MLNR: variants seen among roughly 807,000 people sequenced by gnomAD.
The protein encoded by MLNR is motilin receptor, also known as G protein-coupled receptor 38.
In MLNR, 16 loss-of-function variants were observed where a neutral mutation model predicts 20.0. That is an observed-to-expected ratio of 0.80 (90% CI 0.54 to 1.22). The LOEUF is 1.22. MLNR is among the 50% of genes most tolerant of loss of function. The pLI is 0.00. For synonymous variants in MLNR, 302 were observed against 287.2 expected, an observed-to-expected ratio of 1.05 and a Z score of -0.52; for missense variants, 630 against 592.3, an observed-to-expected ratio of 1.06 and a Z score of -0.66.
At position 49,220,976 on chromosome 13, in the gene MLNR, G is replaced by A; in HGVS notation, c.639G>A (p.Ala213=). 2.7e-6 allele frequency: 4 copies of A among 1,489,560 alleles called. No homozygotes were observed. Among genetic ancestry groups the A allele is most frequent in the South Asian group, 2.6e-5 (2 of 78,340 alleles). The allele number at this position is 1,489,560 out of a possible 1,614,324, so 92.3% of individuals were successfully genotyped here. The change falls in exon 1 of 2, where the codon GCG becomes GCA. Residue 213 remains alanine (A), a synonymous_variant. Transcript: ENST00000218721. This position sits in a 1 kb window ranked among gnomAD's most constrained non-coding sequence, Gnocchi z 4.4. The part of the protein sequence containing the change: ...ASSPPLWLSR[A]PPPSPPSGPE... The stretch of plus-strand genomic sequence containing the variant: ...CGCCGCCTCTCTGGCTCTCGCGGGC[G>A]CCACCGCCGTCCCCGCCGTCGGGGC...
Position 49,221,162 on chromosome 13 carries a change from G to T in MLNR, c.825G>T (p.Trp275Cys), listed in dbSNP as rs1490621389. The T allele has an allele frequency of 1.3e-6, 2 of 1,589,488 alleles. No homozygotes were observed. The highest frequency in any genetic ancestry group is 2.2e-5 in the South Asian group (2 of 89,988). ...ACGGGCTCATCGGGCGGGAGCTGTG[G>T]AGCAGCCGGCGGCCGCTGCGAGGCC... ...ILYGLIGREL[W>C]SSRRPLRGPA... Residue 275 changes from tryptophan to cysteine, a missense_variant, in exon 1 of 2, where the codon TGG becomes TGT. Physicochemically the swap from Trp to Cys is radical, Grantham distance 215 (BLOSUM62 -2). Transcript: ENST00000218721.
intron 1 of MLNR, 50 bp downstream of exon 1, chr13:49,221,288 G>T (rs535998029): frequency 6.6e-7 from 1 of 1,524,324 alleles, no homozygotes; most frequent in Non-Finnish European, 8.8e-7. Context: ...AGTCCGCCCC[G>T]CCGGGGACCG....
chr13:49,221,975 G>A (rs1887018169), intron 1 of MLNR, 65 bp from the exon 2 acceptor site: 5 of 1,397,360 alleles, frequency 3.6e-6, no homozygotes, highest in Non-Finnish European at 4.9e-6. Context: ...GTTCCTTGTC[G>A]GGGTGGGGGG....
rs752085177 is a variant in MLNR at position 49,220,680 on chromosome 13, C to G, written c.343C>G (p.Leu115Val). 4 of 1,604,282 alleles carry G rather than the reference C, an allele frequency of 2.5e-6. No individual in the cohort carries two copies. In the African/African-American group the frequency reaches 5.4e-5, roughly 22 times the overall value. The change falls in exon 1 of 2, where the codon CTC becomes GTC. Residue 115 changes from leucine to valine, a missense_variant. By Grantham distance (32) the Leu-to-Val change is conservative (BLOSUM62 1). Coordinates refer to ENST00000218721, the MANE Select transcript of MLNR (RefSeq NM_001507.1). This position sits in a 1 kb window ranked among gnomAD's most constrained non-coding sequence, Gnocchi z 4.4. ...VFGPLLCRLS[L>V]YVGEGCTYAT... The stretch of plus-strand genomic sequence containing the variant: ...CGGGCCGCTGCTCTGCCGCCTGTCC[C>G]TCTACGTGGGCGAGGGCTGCACCTA...
Position 49,220,705 on chromosome 13 carries a change from A to G in MLNR, c.368A>G (p.Tyr123Cys). 6.3e-7 allele frequency: 1 copy of G among 1,595,492 alleles called. No homozygotes were observed. The highest frequency in any genetic ancestry group is 8.5e-7 in the Non-Finnish European group (1 of 1,172,610). Reference protein sequence around the residue: ...LSLYVGEGCTYATLLHMTALS... With the variant: ...LSLYVGEGCTCATLLHMTALS... ...CTCTACGTGGGCGAGGGCTGCACCTACGCCACGCTGCTGCACATGACCGCG... is the reference window on the plus strand; with the variant it reads ...CTCTACGTGGGCGAGGGCTGCACCTGCGCCACGCTGCTGCACATGACCGCG... The change falls in exon 1 of 2, where the codon TAC (tyrosine) becomes TGC (cysteine). Residue 123 changes from tyrosine to cysteine, a missense_variant. Coordinates refer to ENST00000218721, the MANE Select transcript of MLNR (RefSeq NM_001507.1). This position sits in a 1 kb window ranked among gnomAD's most constrained non-coding sequence, Gnocchi z 4.4.
In MLNR at chr13:49,221,129, C is replaced by T. The variant is rs777834156; in HGVS notation, c.792C>T (p.Ser264=). The part of the protein sequence containing the change: ...AYFFLPFLCL[S]ILYGLIGREL... ...TCTTCCTGCCCTTTCTGTGCCTCAG[C>T]ATCCTCTACGGGCTCATCGGGCGGG... is the stretch of plus-strand genomic sequence containing the variant. The change falls in exon 1 of 2, where the codon AGC becomes AGT. Residue 264 remains serine (S), a synonymous_variant. Coordinates refer to ENST00000218721, the MANE Select transcript of MLNR (RefSeq NM_001507.1). 3.0e-5 allele frequency: 48 copies of T among 1,592,480 alleles called. No homozygotes were observed. Among genetic ancestry groups the T allele is most frequent in the Non-Finnish European group, 3.9e-5 (46 of 1,177,440 alleles).
In MLNR at chr13:49,222,159, C is replaced by T; in HGVS notation, c.1021C>T (p.Leu341=). The change falls in exon 2 of 2, where the codon CTG becomes TTG. Residue 341 remains leucine (L), a synonymous_variant. Transcript: ENST00000218721. ...CTCTCAGTACTTTAACATCGTCGCTCTGCAACTTTTCTATCTGAGCGCATC... is the reference window on the plus strand; with the variant it reads ...CTCTCAGTACTTTAACATCGTCGCTTTGCAACTTTTCTATCTGAGCGCATC... ...YFSQYFNIVA[L]QLFYLSASIN... is the part of the protein sequence containing the mutation. 1 of 1,614,160 alleles carries T rather than the reference C, an allele frequency of 6.2e-7. No homozygotes were observed. Among genetic ancestry groups the T allele is most frequent in the Admixed American group, 1.7e-5 (1 of 60,022 alleles).
At position 49,220,353 on chromosome 13, in the gene MLNR, A is replaced by C; in HGVS notation, c.16A>C (p.Asn6His). MGSPW[N>H]GSDGPEGARE... ...CGGAGCACCCATGGGCAGCCCCTGG[A>C]ACGGCAGCGACGGCCCCGAGGGGGC... Residue 6 changes from asparagine (N) to histidine (H), a missense_variant, in exon 1 of 2, where the codon AAC becomes CAC. Physicochemically the swap from Asn to His is moderately conservative, Grantham distance 68. Transcript: ENST00000218721. The surrounding 1 kb of genome is among the most constrained non-coding windows in gnomAD (Gnocchi z 4.4). The C allele has an allele frequency of 7.1e-7, 1 of 1,399,628 alleles. No homozygotes were observed. The highest frequency in any genetic ancestry group is 9.2e-7 in the Non-Finnish European group (1 of 1,087,188). The allele number at this position is 1,399,628 out of a possible 1,614,324, so 86.7% of individuals were successfully genotyped here.
At chr13:49,221,334 C>G in intron 1 of MLNR, 96 bp downstream of exon 1, 1 of 1,276,166 alleles carries the variant, frequency 7.8e-7, no homozygotes, top group Non-Finnish European at 1.1e-6. Flanking sequence ...GCTCGCCCAG[C>G]TCTGGGCGCC....
rs1302411478 is a variant in MLNR, at chr13:49,220,675, T to C, written c.338T>C (p.Leu113Pro). ...PWVFGPLLCRLSLYVGEGCTY... is the reference protein window; with the variant it reads ...PWVFGPLLCRPSLYVGEGCTY... ...GTGTTCGGGCCGCTGCTCTGCCGCCTGTCCCTCTACGTGGGCGAGGGCTGC... is the reference window on the plus strand; with the variant it reads ...GTGTTCGGGCCGCTGCTCTGCCGCCCGTCCCTCTACGTGGGCGAGGGCTGC... The change falls in exon 1 of 2, where the codon CTG (leucine) becomes CCG (proline). Residue 113 changes from leucine (L) to proline (P), a missense_variant. Physicochemically the swap from Leu to Pro is moderately conservative, Grantham distance 98 (BLOSUM62 -3). Coordinates refer to ENST00000218721, the MANE Select transcript of MLNR (RefSeq NM_001507.1). The surrounding 1 kb of genome is among the most constrained non-coding windows in gnomAD (Gnocchi z 4.4). The C allele has an allele frequency of 1.2e-6, 2 of 1,605,334 alleles. No homozygotes were observed. The highest frequency in any genetic ancestry group is 2.3e-5 in the East Asian group (1 of 44,296).
rs1384152907 is a variant in MLNR at position 49,221,186 on chromosome 13, C to T, written c.849C>T (p.Gly283=). The part of the protein sequence containing the change: ...ELWSSRRPLR[G]PAASGRERGH... ...GGAGCAGCCGGCGGCCGCTGCGAGG[C>T]CCGGCCGCCTCGGGGCGGGAGAGAG... The change falls in exon 1 of 2, where the codon GGC becomes GGT. Residue 283 remains glycine, a synonymous_variant. Transcript: ENST00000218721. The T allele has an allele frequency of 6.3e-7, 1 of 1,586,164 alleles. No individual in the cohort carries two copies. The highest frequency in any genetic ancestry group is 8.5e-7 in the Non-Finnish European group (1 of 1,174,722).
At chr13:49,221,406 G>A in intron 1 of MLNR, 168 bp downstream of exon 1, 1 of 737,122 alleles carries the variant, frequency 1.4e-6, no homozygotes, top group Non-Finnish European at 2.2e-6. Flanking sequence ...CCCATCCCCC[G>A]AGAAAACCAT....
rs1470846672 is a variant in MLNR, at chr13:49,220,805, C to A, written c.468C>A (p.Arg156=). The change falls in exon 1 of 2, where the codon CGC becomes CGA. Residue 156 remains arginine (R), a synonymous_variant. Transcript: ENST00000218721. The surrounding 1 kb of genome is among the most constrained non-coding windows in gnomAD (Gnocchi z 4.4). ...TCTTGGTCACCCGGCGCCGCGTCCG[C>A]GCGCTCATCGCTGTGCTCTGGGCCG... ...ARVLVTRRRV[R]ALIAVLWAVA... 1 of 1,569,680 alleles carries A rather than the reference C, an allele frequency of 6.4e-7. No individual in the cohort carries two copies. The highest frequency in any genetic ancestry group is 1.2e-5 in the South Asian group (1 of 85,490).
chr13:49,221,461 G>T, intron 1 of MLNR: 1 of 569,908 alleles, frequency 1.8e-6, no homozygotes. Context: ...GCGCTTTGAG[G>T]GTGGGATCCC....
rs909270164 is a variant in MLNR, at chr13:49,220,944, G to T, written c.607G>T (p.Ala203Ser). ...GTARIASSPL[A>S]SSPPLWLSRA... The stretch of plus-strand genomic sequence containing the variant: ...CGCGCGGATCGCCTCCTCGCCTCTC[G>T]CCTCGTCGCCGCCTCTCTGGCTCTC... Residue 203 changes from alanine to serine, a missense_variant, in exon 1 of 2, where the codon GCC becomes TCC. Coordinates refer to ENST00000218721, the MANE Select transcript of MLNR (RefSeq NM_001507.1). This position sits in a 1 kb window ranked among gnomAD's most constrained non-coding sequence, Gnocchi z 4.4. 11 of 1,515,346 alleles carry T rather than the reference G, an allele frequency of 7.3e-6. No homozygotes were observed. The African/African-American group carries it at 1.0e-4, about 14-fold the overall frequency. The allele number at this position is 1,515,346 out of a possible 1,614,324, so 93.9% of individuals were successfully genotyped here.
At position 49,220,394 on chromosome 13, in the gene MLNR, GC is replaced by G. The variant is rs1566339117; in HGVS notation, c.60del (p.Ala21ArgfsTer21). The G allele has an allele frequency of 6.6e-7, 1 of 1,503,822 alleles. No individual in the cohort carries two copies. Among genetic ancestry groups the G allele is most frequent in the South Asian group, 1.3e-5 (1 of 79,426 alleles). 93.2% of individuals were successfully genotyped at this position (1,503,822 alleles called of 1,614,324 possible). The stretch of plus-strand genomic sequence containing the variant: ...CCGAGGGGGCGCGGGAGCCGCCGTG[GC>G]CCGCGCTGCCGCCTTGCGACGAGCG... ...GPEGAREPPW[P>X]ALPPCDERRC... On this transcript the variant is annotated frameshift_variant, in exon 1 of 2. Transcript: ENST00000218721. LOFTEE classifies it high-confidence loss of function. This position sits in a 1 kb window ranked among gnomAD's most constrained non-coding sequence, Gnocchi z 4.4.
Position 49,222,121 on chromosome 13 carries a change from G to A in MLNR, c.983G>A (p.Arg328Gln). Residue 328 changes from arginine to glutamine, a missense_variant, in exon 2 of 2, where the codon CGG becomes CAG. By Grantham distance (43) the Arg-to-Gln change is conservative. Transcript: ENST00000218721. ...RIIYINTEDS[R>Q]MMYFSQYFNI... ...ATTTACATAAACACGGAAGATTCGC[G>A]GATGATGTACTTCTCTCAGTACTTT... 5 of 1,614,046 alleles carry A rather than the reference G, an allele frequency of 3.1e-6. No homozygotes were observed. The highest frequency in any genetic ancestry group is 4.2e-6 in the Non-Finnish European group (5 of 1,180,010).
chr13:49,220,915 G>T lies in MLNR; in HGVS notation c.578G>T (p.Gly193Val). ...ATCTCCGTAGTCCCGGGCCTCAATG[G>T]CACCGCGCGGATCGCCTCCTCGCCT... ...PGISVVPGLN[G>V]TARIASSPLA... Residue 193 changes from glycine to valine, a missense_variant, in exon 1 of 2, where the codon GGC becomes GTC. Physicochemically the swap from Gly to Val is moderately radical, Grantham distance 109. Coordinates refer to ENST00000218721, the MANE Select transcript of MLNR (RefSeq NM_001507.1). The surrounding 1 kb of genome is among the most constrained non-coding windows in gnomAD (Gnocchi z 4.4). 6.5e-7 allele frequency: 1 copy of T among 1,548,746 alleles called. No individual in the cohort carries two copies.
rs778253349 is a variant in MLNR, at chr13:49,220,738, TCGAG to T, written c.404_407del (p.Glu135AlafsTer52). 4 of 1,579,538 alleles carry T rather than the reference TCGAG, an allele frequency of 2.5e-6. No homozygotes were observed. In the East Asian group the frequency reaches 9.4e-5, roughly 37 times the overall value. The stretch of plus-strand genomic sequence containing the variant: ...CTGCTGCACATGACCGCGCTCAGCG[TCGAG>T]CGCTACCTGGCCATCTGCCGCCCGC... On this transcript the variant is annotated frameshift_variant, in exon 1 of 2. Transcript: ENST00000218721. LOFTEE classifies it high-confidence loss of function. This position sits in a 1 kb window ranked among gnomAD's most constrained non-coding sequence, Gnocchi z 4.4.
Sources: allele counts gnomAD v4.1 joint callset, GRCh38; gene constraint gnomAD v4.1.1; non-coding constraint Gnocchi (gnomAD v3.1); transcripts MANE v1.5; gene names NCBI Gene and HGNC (gene_info 2026-07-23, HGNC 2026-07-21).